Variants in LARP4B observed in about 807,000 individuals in gnomAD.
LARP4B encodes la-related protein 4B.
LARP4B carries 12 observed loss-of-function variants against 89.8 expected under a neutral mutation model. That is an observed-to-expected ratio of 0.13 (90% CI 0.09 to 0.22). The LOEUF (loss-of-function observed/expected upper bound fraction) is 0.22, where lower values mean the gene tolerates loss of function less well. Among genes scored for constraint, LARP4B ranks in the 10% least tolerant of loss-of-function variants. The pLI is 1.00. For missense variants in LARP4B, 757 were observed against 947.7 expected, an observed-to-expected ratio of 0.80 and a Z score of 2.64; for synonymous variants, 367 against 363.3, an observed-to-expected ratio of 1.01 and a Z score of -0.12.
intron 8 of LARP4B, among the ~76,000 whole-genome samples, chr10:835,124 C>G (rs538176810): frequency 2.0e-5 from 3 of 151,940 alleles, no homozygotes; most frequent in Non-Finnish European, 2.9e-5. Flanking sequence ...AACTATAATC[C>G]TAAGTTGTTT....
At chr10:830,252 G>C (rs1027560308) in intron 9 of LARP4B, among the ~76,000 whole-genome samples, 2 of 152,040 alleles carry the variant, frequency 1.3e-5, no homozygotes, top group African/African-American at 4.8e-5. Flanking sequence ...TTCGCCACAC[G>C]GGCTGGCAGA....
the LARP4B span, among the ~76,000 whole-genome samples, chr10:963,345 C>T: frequency 2.0e-5 from 3 of 152,326 alleles, no homozygotes; most frequent in Non-Finnish European, 2.9e-5. Context: ...ATTTTCACCA[C>T]GTGCTTCTTA....
At chr10:886,692 T>A (rs1004445257) in intron 1 of LARP4B, among the ~76,000 whole-genome samples, 1 of 152,258 alleles carries the variant, frequency 6.6e-6, no homozygotes, top group Admixed American at 6.5e-5. Flanking sequence ...AAGGATATTA[T>A]GCCAAGTGAA....
At chr10:977,868 A>T in the LARP4B span, among the ~76,000 whole-genome samples, 1 of 152,278 alleles carries the variant, frequency 6.6e-6, no homozygotes, top group Admixed American at 6.5e-5. Flanking sequence ...GGATGACTAC[A>T]TACAAAGACC....
upstream of LARP4B, among the ~76,000 whole-genome samples, chr10:935,510 T>A (rs570817198): frequency 4.6e-5 from 7 of 152,254 alleles, no homozygotes; most frequent in East Asian, 1.4e-3. Context: ...TGTTTGTAGC[T>A]CTGTTGAGCT....
chr10:885,520 T>C (rs968693312), intron 2 of LARP4B, 121 bp downstream of exon 2: 11 of 625,756 alleles, frequency 1.8e-5, no homozygotes, highest in Non-Finnish European at 2.7e-5. Context: ...GACTCTAATA[T>C]CTGTATGCAG....
chr10:864,367 C>CA, intron 3 of LARP4B, 97 bp from the exon 4 acceptor site: 1 of 1,174,214 alleles, frequency 8.5e-7, no homozygotes, highest in Non-Finnish European at 1.2e-6. Context: ...ATATAGGCTC[C>CA]AAAGGCTCAG....
intron 3 of LARP4B, among the ~76,000 whole-genome samples, chr10:878,066 G>A (rs1835525818): frequency 6.6e-6 from 1 of 152,200 alleles, no homozygotes; most frequent in Admixed American, 6.5e-5. Flanking sequence ...AGAACCAATT[G>A]AGGCAGAGAG....
intron 3 of LARP4B, among the ~76,000 whole-genome samples, chr10:865,365 G>A (rs1350302399): frequency 6.6e-6 from 1 of 152,198 alleles, no homozygotes; most frequent in African/African-American, 2.4e-5. Context: ...CGCATGCTCA[G>A]TTAGTCCCAC....
At chr10:961,608 G>A in the LARP4B span, among the ~76,000 whole-genome samples, 6 of 136,018 alleles carry the variant, frequency 4.4e-5, no homozygotes, top group African/African-American at 6.4e-5. Context: ...TCATGGCGGC[G>A]TGGTGCCAGC....
intron 9 of LARP4B, among the ~76,000 whole-genome samples, chr10:830,360 T>A (rs1355886649): frequency 1.3e-5 from 2 of 152,214 alleles, no homozygotes; most frequent in East Asian, 3.8e-4. Context: ...CTGTGTTTTC[T>A]TTTCTGAACC....
the LARP4B span, among the ~76,000 whole-genome samples, chr10:975,698 C>T: frequency 1.3e-5 from 2 of 152,096 alleles, no homozygotes; most frequent in African/African-American, 4.8e-5. Context: ...CAAGGTAGGC[C>T]TGTCGCGTAA....
At chr10:915,044 C>CA (rs1395587183) in intron 1 of LARP4B, among the ~76,000 whole-genome samples, 1 of 152,154 alleles carries the variant, frequency 6.6e-6, no homozygotes, top group East Asian at 1.9e-4. Flanking sequence ...GAACAGCAGA[C>CA]TTTTCTTGGA....
At chr10:909,118 C>G (rs1460410175) in intron 1 of LARP4B, among the ~76,000 whole-genome samples, 4 of 151,960 alleles carry the variant, frequency 2.6e-5, no homozygotes, top group Non-Finnish European at 4.4e-5. Flanking sequence ...CACGGTGAAA[C>G]CCCGTCTCTA....
chr10:906,338 T>C (rs540540283), intron 1 of LARP4B, among the ~76,000 whole-genome samples: 5 of 152,366 alleles, frequency 3.3e-5, no homozygotes, highest in South Asian at 2.1e-4. Flanking sequence ...TTTTACACTA[T>C]TTTGATCAAT....
chr10:863,542 T>G (rs1419545844), intron 5 of LARP4B, among the ~76,000 whole-genome samples: 1 of 152,192 alleles, frequency 6.6e-6, no homozygotes, highest in Non-Finnish European at 1.5e-5. Context: ...GTTTCATCTT[T>G]TGAGACCTTA....
chr10:911,288 T>C (rs2132021116), intron 1 of LARP4B, among the ~76,000 whole-genome samples: 2 of 152,332 alleles, frequency 1.3e-5, no homozygotes, highest in Admixed American at 1.3e-4. Flanking sequence ...TTTGAAAACA[T>C]TCTTTTTCAG....
At chr10:884,909 T>C (rs950599230) in intron 2 of LARP4B, among the ~76,000 whole-genome samples, 10 of 152,214 alleles carry the variant, frequency 6.6e-5, no homozygotes, top group African/African-American at 1.9e-4. Context: ...ATATCCTTGA[T>C]TTAAAAAATA....
chr10:866,125 C>G (rs556886722), intron 3 of LARP4B, among the ~76,000 whole-genome samples: 26 of 152,288 alleles, frequency 1.7e-4, no homozygotes, highest in Non-Finnish European at 3.4e-4. Context: ...GTTCCTGCTC[C>G]CCCAGTCACT....
Sources: allele counts gnomAD v4.1 joint callset (sites outside exome capture counted in the v4.1 genomes callset), GRCh38; gene constraint gnomAD v4.1.1; transcripts MANE v1.5; gene names NCBI Gene and HGNC (gene_info 2026-07-23, HGNC 2026-07-21).